Variants in AMD1 observed in about 807,000 individuals in gnomAD.
AMD1 encodes the protein S-adenosylmethionine decarboxylase proenzyme.
Under a neutral mutation model 40.2 loss-of-function variants are expected in AMD1, and 11 were observed. That is an observed-to-expected ratio of 0.27 (90% CI 0.17 to 0.45). The LOEUF (loss-of-function observed/expected upper bound fraction) is 0.45. AMD1 is among the 20% of genes least tolerant of loss of function. The pLI is 1.00. For synonymous variants in AMD1, 121 were observed against 130.8 expected, an observed-to-expected ratio of 0.93 and a Z score of 0.51; for missense variants, 257 against 410.2, an observed-to-expected ratio of 0.63 and a Z score of 3.23.
the AMD1 span, among the ~76,000 whole-genome samples, chr6:110,868,601 C>G: frequency 1.3e-5 from 2 of 152,144 alleles, no homozygotes; most frequent in African/African-American, 4.8e-5. Flanking sequence ...GTCTGATAAA[C>G]TGAAATACAG....
chr6:110,860,596 C>T, the AMD1 span, among the ~76,000 whole-genome samples: 20 of 151,572 alleles, frequency 1.3e-4, no homozygotes, highest in African/African-American at 4.8e-4. Context: ...GTCAGGAGTT[C>T]GCGACCAACC....
chr6:110,840,178 G>C, the AMD1 span, among the ~76,000 whole-genome samples: 1 of 151,860 alleles, frequency 6.6e-6, no homozygotes, highest in Non-Finnish European at 1.5e-5. Context: ...CCACCGACCT[G>C]GCCGTTCTCA....
At chr6:110,874,554 C>G (rs1253533204), upstream of AMD1, among the ~76,000 whole-genome samples, 1 of 152,206 alleles carries the variant, frequency 6.6e-6, no homozygotes, top group African/African-American at 2.4e-5. Context: ...TAGTCCCCAG[C>G]TGGACATCAC....
intron 1 of AMD1, among the ~76,000 whole-genome samples, chr6:110,883,776 T>C (rs1258860057): frequency 6.6e-6 from 1 of 152,056 alleles, no homozygotes; most frequent in Non-Finnish European, 1.5e-5. Context: ...TTTTTTTATT[T>C]TTAGTAGAGA....
At chr6:110,891,880 T>G in intron 4 of AMD1, 1 of 418,992 alleles carries the variant, frequency 2.4e-6, no homozygotes. Flanking sequence ...GTAGCTGGGA[T>G]TATAGGCATG....
chr6:110,852,200 A>ATTTTTTTTTT, the AMD1 span, among the ~76,000 whole-genome samples: 2 of 51,308 alleles, frequency 3.9e-5, no homozygotes, highest in African/African-American at 1.2e-4. Context: ...CGCCTGGCTA[A>ATTTTTTTTTT]TTTTTTTTTT....
chr6:110,893,337 C>T (rs1326640905), intron 8 of AMD1, 139 bp from the exon 9 acceptor site: 7 of 1,207,424 alleles, frequency 5.8e-6, no homozygotes, highest in Non-Finnish European at 8.1e-6. Context: ...TGCCCTGGCC[C>T]CTCCAGCACA....
chr6:110,815,388 T>G, the AMD1 span: 7 of 344,300 alleles, frequency 2.0e-5, no homozygotes, highest in East Asian at 1.0e-4. Context: ...GCACCCCCAG[T>G]CCCGCCTCCC....
At chr6:110,841,395 C>T in the AMD1 span, among the ~76,000 whole-genome samples, 1 of 152,198 alleles carries the variant, frequency 6.6e-6, no homozygotes, top group African/African-American at 2.4e-5. Flanking sequence ...TAAGTACATT[C>T]AATGTCCTTG....
At chr6:110,833,100 C>T in the AMD1 span, among the ~76,000 whole-genome samples, 2 of 152,162 alleles carry the variant, frequency 1.3e-5, no homozygotes, top group Non-Finnish European at 2.9e-5. Flanking sequence ...GGATTATAGG[C>T]GTGAGCCACC....
At chr6:110,877,064 T>G (rs1233727654) in intron 1 of AMD1, among the ~76,000 whole-genome samples, 1 of 152,252 alleles carries the variant, frequency 6.6e-6, no homozygotes, top group Non-Finnish European at 1.5e-5. Flanking sequence ...AGAACCCTTT[T>G]TACTTTGTAC....
chr6:110,837,745 AATATATATAT>A, the AMD1 span, among the ~76,000 whole-genome samples: 11 of 17,840 alleles, frequency 6.2e-4, no homozygotes, highest in Non-Finnish European at 8.6e-4. Context: ...AAAAAAAAAA[AATATATATAT>A]ATATATATAT....
At chr6:110,889,006 A>G in intron 3 of AMD1, 23 bp downstream of exon 3, 1 of 1,607,766 alleles carries the variant, frequency 6.2e-7, no homozygotes, top group Non-Finnish European at 8.5e-7. Flanking sequence ...ACATTTAAAT[A>G]TTTTTCAGGC....
the AMD1 span, among the ~76,000 whole-genome samples, chr6:110,835,091 T>C: frequency 6.7e-6 from 1 of 148,654 alleles, no homozygotes; most frequent in East Asian, 2.1e-4. Context: ...CGATCTTGGC[T>C]CACTGCAAGT....
chr6:110,814,649 A>C, the AMD1 span: 2 of 492,966 alleles, frequency 4.1e-6, no homozygotes, highest in Non-Finnish European at 8.0e-6. Flanking sequence ...GCAACTCCGC[A>C]GCGGAGCTCT....
the AMD1 span, among the ~76,000 whole-genome samples, chr6:110,822,024 G>A: frequency 1.3e-5 from 2 of 152,104 alleles, no homozygotes; most frequent in African/African-American, 4.8e-5. Flanking sequence ...TGAAACAGGT[G>A]TTTCCTTGAA....
intron 1 of AMD1, among the ~76,000 whole-genome samples, chr6:110,886,375 C>T (rs1394232434): frequency 6.6e-6 from 1 of 152,094 alleles, no homozygotes; most frequent in African/African-American, 2.4e-5. Context: ...TTAAGCCATC[C>T]CAATCCCAAA....
At position 110,894,958 on chromosome 6, in the gene AMD1, GAATA is replaced by G. The variant is rs1388528492; in HGVS notation, c.*1347_*1350del. 2 of 152,180 alleles carry G rather than the reference GAATA, an allele frequency of 1.3e-5. No individual in the cohort carries two copies. Among genetic ancestry groups the G allele is most frequent in the African/African-American group, 4.8e-5 (2 of 41,528 alleles). The allele number at this position is 152,180 out of a possible 1,614,324, so 9.4% of individuals were successfully genotyped here. A position where few individuals can be genotyped will look rare whatever the true frequency, so the allele number is the denominator to read the frequency against. Reference sequence around the variant, plus strand: ...AATACATTATAAATAAGTAGAATATGAATAAATAGAATAATAAAATTCCAAAATA... The same window carrying G: ...AATACATTATAAATAAGTAGAATATGAATAGAATAATAAAATTCCAAAATA... On this transcript the variant is annotated 3_prime_UTR_variant, in exon 9 of 9. Coordinates refer to ENST00000368885, the MANE Select transcript of AMD1 (RefSeq NM_001634.6).
intron 1 of AMD1, among the ~76,000 whole-genome samples, chr6:110,876,769 T>C (rs1392587376): frequency 6.7e-6 from 1 of 150,200 alleles, no homozygotes; most frequent in Non-Finnish European, 1.5e-5. Flanking sequence ...TGATAGACGT[T>C]TGGTAAAACG....
Sources: allele counts gnomAD v4.1 joint callset (sites outside exome capture counted in the v4.1 genomes callset), GRCh38; gene constraint gnomAD v4.1.1; transcripts MANE v1.5; gene names NCBI Gene and HGNC (gene_info 2026-07-23, HGNC 2026-07-21).